RAPGEF6: variants seen among roughly 807,000 people sequenced by gnomAD.
RAPGEF6 encodes the protein Rap guanine nucleotide exchange factor 6.
In RAPGEF6, 56 loss-of-function variants were observed where a neutral mutation model predicts 171.4. That is an observed-to-expected ratio of 0.33 (90% confidence interval 0.26 to 0.41). RAPGEF6 has a LOEUF of 0.41. Among genes scored for constraint, RAPGEF6 ranks in the 10% least tolerant of loss-of-function variants. RAPGEF6 has a pLI of 1.00. For missense variants in RAPGEF6, 1,674 were observed against 1,921.4 expected (o/e 0.87, Z 2.41); for synonymous variants, 692 against 650.1 (o/e 1.06, Z -0.98).
chr5:131,592,616 T>C (rs1763660253), intron 3 of RAPGEF6, 150 bp from the exon 4 acceptor site: 1 of 1,358,590 alleles, frequency 7.4e-7, no homozygotes, highest in Non-Finnish European at 9.8e-7. Context: ...GCCTGTTGCC[T>C]AAGGTTTTAT....
Position 131,429,142 on chromosome 5 carries a change from T to A in RAPGEF6, c.4540A>T (p.Ile1514Phe). 1 of 1,613,760 alleles carries A rather than the reference T, an allele frequency of 6.2e-7. No individual in the cohort carries two copies. The highest frequency in any genetic ancestry group is 8.5e-7 in the Non-Finnish European group (1 of 1,179,754). The change falls in exon 27 of 28, where the codon ATT becomes TTT. Residue 1514 changes from isoleucine (I) to phenylalanine (F), a missense_variant. Physicochemically the swap from Ile to Phe is conservative, Grantham distance 21 (BLOSUM62 0). Transcript: ENST00000509018. ...CCTTCCTTTAGGTCCGCTAAAGAAA[T>A]CCCCAAATATCCTGGAGGAGTGGGA... ...PPPTPPGYLG[I>F]SLADLKEGPH...
chr5:131,574,204 C>A (rs1241372597), intron 4 of RAPGEF6, among the ~76,000 whole-genome samples: 1 of 152,202 alleles, frequency 6.6e-6, no homozygotes, highest in Non-Finnish European at 1.5e-5. Flanking sequence ...CTAAGCTGTG[C>A]CCTATCTGTG....
At chr5:131,606,044 A>G (rs1258600575) in intron 1 of RAPGEF6, among the ~76,000 whole-genome samples, 3 of 147,332 alleles carry the variant, frequency 2.0e-5, no homozygotes, top group Non-Finnish European at 4.4e-5. Context: ...AAAAAAAAAA[A>G]AAAAAAAAAG....
At chr5:131,463,962 T>C (rs1754135409) in intron 18 of RAPGEF6, 79 bp downstream of exon 18, 11 of 1,494,930 alleles carry the variant, frequency 7.4e-6, no homozygotes, top group South Asian at 1.4e-5. Flanking sequence ...ATAATGTTTC[T>C]ACTTACAATA....
chr5:131,437,001 C>G (rs978728715), intron 24 of RAPGEF6, among the ~76,000 whole-genome samples: 9 of 152,046 alleles, frequency 5.9e-5, no homozygotes, highest in Non-Finnish European at 5.9e-5. Context: ...AAACAAAGAA[C>G]AGATCTCCAA....
chr5:131,489,690 A>G (rs934033445), intron 14 of RAPGEF6, 36 bp from the exon 15 acceptor site: 2 of 1,180,644 alleles, frequency 1.7e-6, no homozygotes, highest in Non-Finnish European at 2.4e-6. Flanking sequence ...TTAATACAGA[A>G]CAGTATTAGT....
At chr5:131,465,419 TAGCATGAACAA>T (rs1170986394) in intron 17 of RAPGEF6, among the ~76,000 whole-genome samples, 2 of 152,156 alleles carry the variant, frequency 1.3e-5, no homozygotes, top group African/African-American at 2.4e-5. Context: ...AGTGACTTTA[TAGCATGAACAA>T]ATGCTAAAAA....
chr5:131,602,411 A>G (rs1764311265), intron 3 of RAPGEF6, among the ~76,000 whole-genome samples: 1 of 152,162 alleles, frequency 6.6e-6, no homozygotes, highest in African/African-American at 2.4e-5. Context: ...GGAGTAAGCA[A>G]TAAGGGCACA....
intron 14 of RAPGEF6, among the ~76,000 whole-genome samples, chr5:131,490,367 GA>G (rs776228831): frequency 3.4e-4 from 50 of 149,116 alleles, no homozygotes; most frequent in Middle Eastern, 3.2e-3. Flanking sequence ...ATTAGGGAAA[GA>G]AAAAAAAATT....
intron 4 of RAPGEF6, 74 bp downstream of exon 4, chr5:131,592,309 T>G: frequency 1.3e-6 from 2 of 1,542,736 alleles, no homozygotes; most frequent in Non-Finnish European, 1.8e-6. Flanking sequence ...TATCACTTAC[T>G]GAAAGAAAAT....
At chr5:131,467,483 G>C (rs1026974017) in intron 17 of RAPGEF6, among the ~76,000 whole-genome samples, 1 of 152,138 alleles carries the variant, frequency 6.6e-6, no homozygotes, top group African/African-American at 2.4e-5. Flanking sequence ...CTCTATTTTA[G>C]AATTATTACG....
chr5:131,601,496 A>G (rs559397076), intron 3 of RAPGEF6, among the ~76,000 whole-genome samples: 2 of 152,360 alleles, frequency 1.3e-5, no homozygotes, highest in Admixed American at 6.5e-5. Context: ...ACAAATCAAC[A>G]GAAATGATAA....
chr5:131,548,809 C>A (rs1479973308), intron 5 of RAPGEF6, among the ~76,000 whole-genome samples: 1 of 152,058 alleles, frequency 6.6e-6, no homozygotes, highest in Non-Finnish European at 1.5e-5. Flanking sequence ...CAAAGAAAAA[C>A]CCAAAGATAT....
At chr5:131,591,679 G>A (rs55642088) in intron 4 of RAPGEF6, among the ~76,000 whole-genome samples, 4,073 of 152,148 alleles carry the variant, frequency 0.027, 193 homozygotes, top group African/African-American at 0.093. Flanking sequence ...ATTCCCATTT[G>A]TCAGCCAAGA....
chr5:131,575,741 T>C (rs941920188), intron 4 of RAPGEF6, among the ~76,000 whole-genome samples: 2 of 152,144 alleles, frequency 1.3e-5, no homozygotes, highest in Non-Finnish European at 1.5e-5. Context: ...CCCTAATTCA[T>C]CCCAATCCTT....
At chr5:131,453,005 C>G (rs10054168) in intron 21 of RAPGEF6, 49 bp downstream of exon 21, 33 of 1,547,520 alleles carry the variant, frequency 2.1e-5, no homozygotes, top group Non-Finnish European at 2.7e-5. Context: ...TTAATTATTA[C>G]ATCACCCTTG....
At chr5:131,587,912 G>A (rs781655671) in intron 4 of RAPGEF6, among the ~76,000 whole-genome samples, 5 of 152,082 alleles carry the variant, frequency 3.3e-5, no homozygotes, top group Non-Finnish European at 7.4e-5. Flanking sequence ...TGCTGGGTTT[G>A]CTCCCTCAGT....
At chr5:131,594,195 G>A (rs551402698) in intron 3 of RAPGEF6, among the ~76,000 whole-genome samples, 1 of 152,372 alleles carries the variant, frequency 6.6e-6, no homozygotes, top group East Asian at 1.9e-4. Flanking sequence ...TCTGGGGGCA[G>A]ATTTACCGCA....
At chr5:131,451,323 C>G (rs1250846589) in intron 21 of RAPGEF6, among the ~76,000 whole-genome samples, 1 of 152,130 alleles carries the variant, frequency 6.6e-6, no homozygotes, top group Admixed American at 6.5e-5. Context: ...GTGGCTCACG[C>G]CTGTAATCCC....
Sources: gnomAD v4.1 joint callset for allele counts (sites outside exome capture counted in the v4.1 genomes callset) on GRCh38, gnomAD v4.1.1 for gene constraint, MANE v1.5 for transcripts, NCBI Gene and HGNC (gene_info 2026-07-23, HGNC 2026-07-21) for gene names.